Variants in HMGCLL1 observed in about 807,000 individuals in gnomAD.
The protein encoded by HMGCLL1 is 3-hydroxy-3-methylglutaryl-CoA lyase like 1.
A neutral mutation model predicts 39.1 loss-of-function variants in HMGCLL1; 36 were observed. The observed-to-expected ratio is 0.92, with a 90% confidence interval of 0.71 to 1.22. The LOEUF (loss-of-function observed/expected upper bound fraction) is 1.22, where lower values mean the gene tolerates loss of function less well. HMGCLL1 is among the 50% of genes most tolerant of loss of function. HMGCLL1 has a pLI of 0.00. For synonymous variants in HMGCLL1, 149 were observed against 144.0 expected, an observed-to-expected ratio of 1.03 and a Z score of -0.25; for missense variants, 451 against 416.5, an observed-to-expected ratio of 1.08 and a Z score of -0.72.
intron 8 of HMGCLL1, among the ~76,000 whole-genome samples, chr6:55,437,414 T>C (rs1238860507): frequency 6.6e-6 from 1 of 150,838 alleles, no homozygotes; most frequent in Non-Finnish European, 1.5e-5. Context: ...ATCAACCCAC[T>C]GAGGAAAAAA....
At chr6:55,585,663 G>C in the HMGCLL1 span, among the ~76,000 whole-genome samples, 3 of 151,972 alleles carry the variant, frequency 2.0e-5, no homozygotes, top group African/African-American at 4.8e-5. Flanking sequence ...CAATAACTCA[G>C]CTTTCTTTTG....
chr6:55,590,206 T>G, the HMGCLL1 span, among the ~76,000 whole-genome samples: 2 of 151,810 alleles, frequency 1.3e-5, no homozygotes, highest in African/African-American at 4.8e-5. Context: ...AAAACAGAGA[T>G]ATAGACCAAT....
the HMGCLL1 span, among the ~76,000 whole-genome samples, chr6:55,587,761 C>A: frequency 6.6e-6 from 1 of 152,078 alleles, no homozygotes. Flanking sequence ...ATCCTAGTCT[C>A]TGACTAAACA....
At chr6:55,504,093 G>C (rs577450984) in intron 5 of HMGCLL1, among the ~76,000 whole-genome samples, 2 of 151,790 alleles carry the variant, frequency 1.3e-5, no homozygotes, top group African/African-American at 4.8e-5. Flanking sequence ...TTAGCAATCT[G>C]TGAAACTCCA....
chr6:55,597,631 T>A, the HMGCLL1 span, among the ~76,000 whole-genome samples: 2 of 152,030 alleles, frequency 1.3e-5, no homozygotes, highest in Admixed American at 6.5e-5. Context: ...GCTTTTTTCA[T>A]TATATTTGAG....
chr6:55,648,895 C>T, the HMGCLL1 span, among the ~76,000 whole-genome samples: 5 of 140,384 alleles, frequency 3.6e-5, no homozygotes, highest in Non-Finnish European at 6.2e-5. Context: ...ATACCAAAGC[C>T]GGGCAGAGAC....
At chr6:55,634,124 A>G in the HMGCLL1 span, among the ~76,000 whole-genome samples, 9 of 152,034 alleles carry the variant, frequency 5.9e-5, no homozygotes, top group Non-Finnish European at 8.8e-5. Context: ...AGAAAGCAAT[A>G]TTAATATGTA....
At chr6:55,586,745 A>G in the HMGCLL1 span, among the ~76,000 whole-genome samples, 2 of 152,154 alleles carry the variant, frequency 1.3e-5, no homozygotes, top group East Asian at 3.9e-4. Context: ...TTATGGCTGC[A>G]TAGTATTCTA....
intron 7 of HMGCLL1, among the ~76,000 whole-genome samples, chr6:55,487,328 G>A (rs751655766): frequency 6.6e-6 from 1 of 151,742 alleles, no homozygotes; most frequent in Non-Finnish European, 1.5e-5. Context: ...TTAAGTTCTG[G>A]GATACATGTG....
At chr6:55,513,823 C>T (rs1360126059) in intron 5 of HMGCLL1, 7 of 508,734 alleles carry the variant, frequency 1.4e-5, no homozygotes, top group Non-Finnish European at 2.4e-5. Context: ...ATGCTAGTTC[C>T]TCTGATTTCA....
chr6:55,604,283 T>C, the HMGCLL1 span, among the ~76,000 whole-genome samples: 2 of 152,116 alleles, frequency 1.3e-5, no homozygotes, highest in Admixed American at 6.6e-5. Context: ...TATAAATTAG[T>C]TTGAGGAAAA....
chr6:55,494,414 A>G (rs537321055), intron 7 of HMGCLL1, among the ~76,000 whole-genome samples: 3 of 152,310 alleles, frequency 2.0e-5, no homozygotes, highest in Admixed American at 2.0e-4. Flanking sequence ...TTCAGAAACT[A>G]GAATACCTAG....
At chr6:55,543,855 G>A (rs1769794725) in intron 1 of HMGCLL1, among the ~76,000 whole-genome samples, 2 of 151,588 alleles carry the variant, frequency 1.3e-5, no homozygotes, top group African/African-American at 2.4e-5. Context: ...CCTGGGTGAC[G>A]CAATTAGACC....
chr6:55,485,422 T>C (rs1765973718), intron 7 of HMGCLL1, among the ~76,000 whole-genome samples: 1 of 152,066 alleles, frequency 6.6e-6, no homozygotes, highest in Admixed American at 6.6e-5. Flanking sequence ...CAGTATCTGA[T>C]AGTAGTAAGC....
At chr6:55,442,772 A>G (rs1763661246) in intron 7 of HMGCLL1, among the ~76,000 whole-genome samples, 1 of 152,148 alleles carries the variant, frequency 6.6e-6, no homozygotes, top group African/African-American at 2.4e-5. Flanking sequence ...TGGTACCTTT[A>G]GGACAATTTT....
rs976854591 is a variant in HMGCLL1, at chr6:55,435,423, T to C, written c.*239A>G. The C allele has an allele frequency of 8.8e-6, 3 of 340,240 alleles. No homozygotes were observed. Among genetic ancestry groups the C allele is most frequent in the Non-Finnish European group, 1.6e-5 (3 of 187,180 alleles). The allele number at this position is 340,240 out of a possible 1,614,324, so 21.1% of individuals were successfully genotyped here. ...TTCTATGAGAGCAAAAGAAACTTTT[T>C]TCCAAGTTCAAAATTATGACAAGTT... On this transcript the variant is annotated 3_prime_UTR_variant, in exon 9 of 9. Coordinates refer to ENST00000274901, the MANE Select transcript of HMGCLL1 (RefSeq NM_001042406.2).
chr6:55,508,800 C>T (rs1357361548), intron 5 of HMGCLL1, among the ~76,000 whole-genome samples: 1 of 151,770 alleles, frequency 6.6e-6, no homozygotes, highest in African/African-American at 2.4e-5. Flanking sequence ...AATTTCACAC[C>T]TTAGGGACAC....
At position 55,495,236 on chromosome 6, in the gene HMGCLL1, T is replaced by C. The variant is rs1041425135; in HGVS notation, c.795+183A>G. Among the ~76,000 whole-genome samples the C allele has an allele frequency of 4.6e-5, 7 of 152,222 alleles. No individual in the cohort carries two copies. The East Asian group carries it at 9.6e-4, about 21-fold the overall frequency. On this transcript the variant is annotated intron_variant, in intron 7 of 8. Transcript: ENST00000274901. The stretch of plus-strand genomic sequence containing the variant: ...AACTAACAGTAATAAGAGATCTTCA[T>C]TGCCCTAAAAAAATGTGAAATTGAC...
intron 3 of HMGCLL1, among the ~76,000 whole-genome samples, chr6:55,533,915 C>T (rs1257261765): frequency 2.8e-5 from 4 of 145,196 alleles, no homozygotes; most frequent in Non-Finnish European, 6.1e-5. Flanking sequence ...TTACAACAGA[C>T]TCTGAAAAGA....
Sources: allele counts gnomAD v4.1 joint callset (sites outside exome capture counted in the v4.1 genomes callset), GRCh38; gene constraint gnomAD v4.1.1; transcripts MANE v1.5; gene names NCBI Gene and HGNC (gene_info 2026-07-23, HGNC 2026-07-21).